PANK4: variants seen among roughly 807,000 people sequenced by gnomAD.
PANK4 encodes the protein pantothenate kinase 4 (inactive).
A neutral mutation model predicts 87.9 loss-of-function variants in PANK4; 40 were observed. The ratio of observed to expected loss-of-function variants is 0.46; its 90% CI spans 0.35 to 0.59. The LOEUF is 0.59. Among genes scored for constraint, PANK4 ranks in the 20% least tolerant of loss-of-function variants. PANK4 has a pLI of 0.00. For synonymous variants in PANK4, 524 were observed against 467.4 expected (o/e 1.12, Z -1.56); for missense variants, 926 against 1,072.3 (o/e 0.86, Z 1.90).
chr1:2,514,086 G>C lies in PANK4; in HGVS notation c.1491C>G (p.Ala497=). 1 of 1,611,830 alleles carries C rather than the reference G, an allele frequency of 6.2e-7. No homozygotes were observed. The highest frequency in any genetic ancestry group is 8.5e-7 in the Non-Finnish European group (1 of 1,179,094). ...GGCTGCGCACGGTCAGGGTCCCATA[G>C]GCGCTGGGGACAGACACGGCAGAGG... ...KLQTLRQQPF[A]YGTLTVRSLL... is the part of the protein sequence containing the mutation. Residue 497 remains alanine (A), a synonymous_variant, in exon 12 of 19, where the codon GCC becomes GCG. Transcript: ENST00000378466.
At position 2,520,495 on chromosome 1, in the gene PANK4, G is replaced by T; in HGVS notation, c.607-81C>A. ...CCCCGCCCCCCGCCCCATGTGCTGCGCTGGGGTGAACCCCGCCCCCACCCC... is the reference window on the plus strand; with the variant it reads ...CCCCGCCCCCCGCCCCATGTGCTGCTCTGGGGTGAACCCCGCCCCCACCCC... On this transcript the variant is annotated intron_variant, in intron 4 of 18. Transcript: ENST00000378466. This position sits in a 1 kb window ranked among gnomAD's most constrained non-coding sequence, Gnocchi z 6.2. 2.4e-6 allele frequency: 3 copies of T among 1,233,870 alleles called. No individual in the cohort carries two copies. The highest frequency in any genetic ancestry group is 3.4e-6 in the Non-Finnish European group (3 of 887,626). The allele number at this position is 1,233,870 out of a possible 1,614,324, so 76.4% of individuals were successfully genotyped here. A position where few individuals can be genotyped will look rare whatever the true frequency, so the allele number is the denominator to read the frequency against.
Position 2,520,534 on chromosome 1 carries a change from A to G in PANK4, c.607-120T>C. 1 of 642,156 alleles carries G rather than the reference A, an allele frequency of 1.6e-6. No individual in the cohort carries two copies. Among genetic ancestry groups the G allele is most frequent in the Non-Finnish European group, 2.3e-6 (1 of 436,360 alleles). 39.8% of individuals were successfully genotyped at this position (642,156 alleles called of 1,614,324 possible). On this transcript the variant is annotated intron_variant, in intron 4 of 18. Coordinates refer to ENST00000378466, the MANE Select transcript of PANK4 (RefSeq NM_018216.4). The surrounding 1 kb of genome is among the most constrained non-coding windows in gnomAD (Gnocchi z 6.2). The stretch of plus-strand genomic sequence containing the variant: ...CGCCCCCACCCCAACCGCCAGTGGG[A>G]GGACTCTCATGGCCAAGCCTGGGGG...
At chr1:2,521,537 G>T (rs779183246) in intron 2 of PANK4, 181 bp downstream of exon 2, 1 of 716,152 alleles carries the variant, frequency 1.4e-6, no homozygotes, top group Non-Finnish European at 2.5e-6. Context: ...GCGGGCGCAG[G>T]TTCCTACAAA....
chr1:2,518,319 A>G, intron 8 of PANK4, 55 bp from the exon 9 acceptor site: 1 of 1,209,486 alleles, frequency 8.3e-7, no homozygotes, highest in South Asian at 1.2e-5. Context: ...ATTCAAAAGC[A>G]GGAGAGTGGA....
Position 2,508,807 on chromosome 1 carries a change from T to C in PANK4, c.*40A>G, listed in dbSNP as rs779189758. The C allele has an allele frequency of 1.4e-5, 18 of 1,242,122 alleles. No individual in the cohort carries two copies. The highest frequency in any genetic ancestry group is 1.3e-4 in the African/African-American group (9 of 67,624). The allele number at this position is 1,242,122 out of a possible 1,614,324, so 76.9% of individuals were successfully genotyped here. On this transcript the variant is annotated 3_prime_UTR_variant, in exon 19 of 19. Transcript: ENST00000378466. This position sits in a 1 kb window ranked among gnomAD's most constrained non-coding sequence, Gnocchi z 5.1. ...CCCTGTGGTGGTAAAAACACATTCC[T>C]GACAAGTGACAAGCAGAAGAGTCCG...
chr1:2,526,397 T>C (rs1196009775), intron 1 of PANK4, 67 bp downstream of exon 1: 27 of 467,302 alleles, frequency 5.8e-5, no homozygotes, highest in Non-Finnish European at 6.9e-5. Context: ...CCGCCCCCGC[T>C]CGCCGGCCCA....
intron 13 of PANK4, among the ~76,000 whole-genome samples, chr1:2,512,221 CTG>C (rs1643673473): frequency 2.0e-5 from 3 of 152,164 alleles, no homozygotes; most frequent in Admixed American, 2.0e-4. Flanking sequence ...CGGGAGGGGC[CTG>C]TGTCCCAGAG....
Position 2,520,229 on chromosome 1 carries a change from A to G in PANK4, c.699+93T>C, listed in dbSNP as rs1643863460. 2 of 1,197,560 alleles carry G rather than the reference A, an allele frequency of 1.7e-6. No homozygotes were observed. The highest frequency in any genetic ancestry group is 2.5e-6 in the Non-Finnish European group (2 of 809,504). The allele number at this position is 1,197,560 out of a possible 1,614,324, so 74.2% of individuals were successfully genotyped here. A position where few individuals can be genotyped will look rare whatever the true frequency, so the allele number is the denominator to read the frequency against. On this transcript the variant is annotated intron_variant, in intron 5 of 18. Transcript: ENST00000378466. This position sits in a 1 kb window ranked among gnomAD's most constrained non-coding sequence, Gnocchi z 6.2. ...ACGCGAGTCAGGAGGGAGGCCCGGA[A>G]GCAGCTTTTGCACCGCCCAGCTGCA...
chr1:2,510,487 T>G lies in PANK4; in HGVS notation c.1938+191A>C. Reference sequence around the variant, plus strand: ...GGCTTCAGCACATGGACCCTCAGCCTGAGCCCAGGGGGCTCGGAGCCTCCA... The same window carrying G: ...GGCTTCAGCACATGGACCCTCAGCCGGAGCCCAGGGGGCTCGGAGCCTCCA... On this transcript the variant is annotated intron_variant, in intron 16 of 18. Coordinates refer to ENST00000378466, the MANE Select transcript of PANK4 (RefSeq NM_018216.4). The surrounding 1 kb of genome is among the most constrained non-coding windows in gnomAD (Gnocchi z 4.9). 3.3e-6 allele frequency: 2 copies of G among 608,566 alleles called. No homozygotes were observed. The highest frequency in any genetic ancestry group is 5.8e-6 in the Non-Finnish European group (2 of 342,242). The allele number at this position is 608,566 out of a possible 1,614,324, so 37.7% of individuals were successfully genotyped here.
In PANK4 at chr1:2,510,663, C is replaced by G; in HGVS notation, c.1938+15G>C. ...AGCCCAGGGGAAGGGCCCCACCCAC[C>G]ACCTCAACACTCACCTCTGTCCCTC... On this transcript the variant is annotated intron_variant, in intron 16 of 18. Transcript: ENST00000378466. This position sits in a 1 kb window ranked among gnomAD's most constrained non-coding sequence, Gnocchi z 4.9. 6.8e-7 allele frequency: 1 copy of G among 1,468,424 alleles called. No individual in the cohort carries two copies. Among genetic ancestry groups the G allele is most frequent in the South Asian group, 1.1e-5 (1 of 87,988 alleles). The allele number at this position is 1,468,424 out of a possible 1,614,324, so 91.0% of individuals were successfully genotyped here. A position where few individuals can be genotyped will look rare whatever the true frequency, so the allele number is the denominator to read the frequency against.
intron 14 of PANK4, 30 bp downstream of exon 14, chr1:2,511,598 C>T (rs774455355): frequency 4.6e-5 from 71 of 1,534,118 alleles, no homozygotes; most frequent in Non-Finnish European, 6.0e-5. Flanking sequence ...CAGCACAAGG[C>T]AAGGCCCCAA....
At chr1:2,522,534 T>A (rs964065159) in intron 1 of PANK4, among the ~76,000 whole-genome samples, 2 of 151,956 alleles carry the variant, frequency 1.3e-5, no homozygotes, top group Non-Finnish European at 2.9e-5. Flanking sequence ...CAGGGAAAAG[T>A]GAAAAGATTC....
In PANK4 at chr1:2,521,201, T is replaced by C; in HGVS notation, c.322A>G (p.Ile108Val). ...NTYIEACLDF[I>V]KDHLVNTETK... ...TCTGTGTTGACGAGATGGTCTTTGATGAAGTCCAGGCAGGCTTCGATGTAG... is the reference window on the plus strand; with the variant it reads ...TCTGTGTTGACGAGATGGTCTTTGACGAAGTCCAGGCAGGCTTCGATGTAG... The change falls in exon 3 of 19, where the codon ATC becomes GTC. Residue 108 changes from isoleucine to valine, a missense_variant. Coordinates refer to ENST00000378466, the MANE Select transcript of PANK4 (RefSeq NM_018216.4). 1 of 1,613,998 alleles carries C rather than the reference T, an allele frequency of 6.2e-7. No individual in the cohort carries two copies. The highest frequency in any genetic ancestry group is 8.5e-7 in the Non-Finnish European group (1 of 1,179,984).
At chr1:2,518,653 C>A in intron 7 of PANK4, 56 bp from the exon 8 acceptor site, 3 of 1,422,388 alleles carry the variant, frequency 2.1e-6, no homozygotes, top group Non-Finnish European at 2.9e-6. Flanking sequence ...CCCGGTGCCT[C>A]CGCAAACCAG....
chr1:2,510,622 C>T lies in PANK4; in HGVS notation c.1938+56G>A. ...CCAGAGGCCCACAGCGGCGCCAACC[C>T]CACCGAGAGCAGAGAAGCCCAGGGG... On this transcript the variant is annotated intron_variant, in intron 16 of 18. Transcript: ENST00000378466. This position sits in a 1 kb window ranked among gnomAD's most constrained non-coding sequence, Gnocchi z 4.9. 1 of 1,075,088 alleles carries T rather than the reference C, an allele frequency of 9.3e-7. No homozygotes were observed. The highest frequency in any genetic ancestry group is 1.4e-6 in the Non-Finnish European group (1 of 701,120). 66.6% of individuals were successfully genotyped at this position (1,075,088 alleles called of 1,614,324 possible). A position where few individuals can be genotyped will look rare whatever the true frequency, so the allele number is the denominator to read the frequency against.
Position 2,518,517 on chromosome 1 carries a change from G to T in PANK4, c.1116C>A (p.Asp372Glu). 6.4e-7 allele frequency: 1 copy of T among 1,561,942 alleles called. No homozygotes were observed. Among genetic ancestry groups the T allele is most frequent in the Non-Finnish European group, 8.7e-7 (1 of 1,152,746 alleles). ...AGGGGCGCCAGCACCGCGACTCACT[G>T]TCCTGCTCAGCTCCTTTCAGGAACG... ...IGAFLKGAEQ[D>E]NPNQYSWGEN... The change falls in exon 8 of 19, where the codon GAC becomes GAA. Residue 372 changes from aspartate (D) to glutamate (E), a missense_variant and splice_region_variant. Asp to Glu is a conservative substitution (Grantham distance 45). Transcript: ENST00000378466.
chr1:2,509,024 C>T lies in PANK4; in HGVS notation c.2145G>A (p.Glu715=), dbSNP rs1327286312. 1.2e-6 allele frequency: 2 copies of T among 1,603,406 alleles called. No homozygotes were observed. The highest frequency in any genetic ancestry group is 2.2e-5 in the East Asian group (1 of 44,818). ...LDKGLAALVR[E]RGADLVVIEG... is the part of the protein sequence containing the mutation. ...CGATGACCACCAGATCCGCGCCACG[C>T]TCCCGCACCAGTGCGGCCAGCCCCT... The change falls in exon 19 of 19, where the codon GAG becomes GAA. Residue 715 remains glutamate (E), a synonymous_variant. Transcript: ENST00000378466. The surrounding 1 kb of genome is among the most constrained non-coding windows in gnomAD (Gnocchi z 4.9).
Position 2,519,925 on chromosome 1 carries a change from C to T in PANK4, c.729G>A (p.Ser243=), listed in dbSNP as rs369724380. 1.1e-5 allele frequency: 17 copies of T among 1,564,962 alleles called. 1 individual carries two copies. The highest frequency in any genetic ancestry group is 8.2e-5 in the South Asian group (7 of 85,594). The change falls in exon 6 of 19, where the codon TCG becomes TCA. Residue 243 remains serine (S), a synonymous_variant. Transcript: ENST00000378466. This position sits in a 1 kb window ranked among gnomAD's most constrained non-coding sequence, Gnocchi z 8.3. The part of the protein sequence containing the change: ...KKFDELLHLA[S]RGQHSNVDML... ...TGTCCACATTGCTGTGCTGGCCCCT[C>T]GAGGCCAGGTGCAGGAGCTCGTCAA...
At chr1:2,522,224 C>A (rs185952819) in intron 1 of PANK4, among the ~76,000 whole-genome samples, 6 of 152,206 alleles carry the variant, frequency 3.9e-5, no homozygotes, top group African/African-American at 1.4e-4. Context: ...CACCCTCGAC[C>A]GTCCCTGCTT....
Sources: gnomAD v4.1 joint callset for allele counts (sites outside exome capture counted in the v4.1 genomes callset) on GRCh38, gnomAD v4.1.1 for gene constraint, Gnocchi (gnomAD v3.1) non-coding constraint, MANE v1.5 for transcripts, NCBI Gene and HGNC (gene_info 2026-07-23, HGNC 2026-07-21) for gene names.